Variants in ROBO2 observed in about 807,000 individuals in gnomAD.
ROBO2 encodes roundabout homolog 2.
A neutral mutation model predicts 160.8 loss-of-function variants in ROBO2; 53 were observed. The ratio of observed to expected loss-of-function variants is 0.33; its 90% confidence interval spans 0.26 to 0.41. The LOEUF (loss-of-function observed/expected upper bound fraction) is 0.41, where lower values mean the gene tolerates loss of function less well. Among genes scored for constraint, ROBO2 ranks in the 10% least tolerant of loss-of-function variants. ROBO2 has a pLI of 1.00. For synonymous variants in ROBO2, 664 were observed against 611.7 expected (o/e 1.09, Z -1.26); for missense variants, 1,577 against 1,722.4 (o/e 0.92, Z 1.49).
At chr3:76,806,093 T>G (rs1243265468) in intron 2 of ROBO2, among the ~76,000 whole-genome samples, 3 of 151,938 alleles carry the variant, frequency 2.0e-5, no homozygotes, top group African/African-American at 7.2e-5. Flanking sequence ...CTGTTTCCCT[T>G]TTGATTATGA....
chr3:76,812,661 A>T (rs1471769881), intron 2 of ROBO2, among the ~76,000 whole-genome samples: 1 of 152,060 alleles, frequency 6.6e-6, no homozygotes, highest in East Asian at 1.9e-4. Flanking sequence ...AGAAGCAAAA[A>T]ATATTAGTTC....
chr3:76,051,571 A>G lies in ROBO2; in HGVS notation c.109+113969A>G, dbSNP rs533422300. ...GAATATTGCAGATTAATATCACAGAAAGCATGTCTAGTTCATGCAACAATT... is the reference window on the plus strand; with the variant it reads ...GAATATTGCAGATTAATATCACAGAGAGCATGTCTAGTTCATGCAACAATT... On this transcript the variant is annotated intron_variant, in intron 2 of 26. Transcript: ENST00000487694. 1.5e-3 allele frequency among the ~76,000 whole-genome samples: 228 copies of G among 152,270 alleles called. 1 individual carries two copies. The highest frequency in any genetic ancestry group is 5.4e-3 in the African/African-American group (223 of 41,580).
intron 2 of ROBO2, among the ~76,000 whole-genome samples, chr3:76,050,379 G>A (rs983534774): frequency 5.2e-4 from 79 of 152,148 alleles, no homozygotes; most frequent in African/African-American, 1.7e-3. Context: ...ACACTGAAGG[G>A]GACACTGCTG....
chr3:76,268,632 T>C (rs1422157578), intron 2 of ROBO2, among the ~76,000 whole-genome samples: 2 of 152,156 alleles, frequency 1.3e-5, no homozygotes, highest in African/African-American at 4.8e-5. Context: ...TAAGACCTCC[T>C]TTAACCTTAA....
At chr3:75,911,748 G>T (rs1576106291) in intron 1 of ROBO2, among the ~76,000 whole-genome samples, 1 of 151,640 alleles carries the variant, frequency 6.6e-6, no homozygotes, top group African/African-American at 2.4e-5. Context: ...AGTAGAGACG[G>T]GGTTTCACCG....
At chr3:77,054,860 G>T (rs2065565714) in intron 1 of ROBO2, among the ~76,000 whole-genome samples, 1 of 151,880 alleles carries the variant, frequency 6.6e-6, no homozygotes, top group Admixed American at 6.6e-5. Context: ...AAGCAGATGG[G>T]CATCCTGCCG....
intron 2 of ROBO2, among the ~76,000 whole-genome samples, chr3:77,439,871 C>T (rs1437736125): frequency 6.6e-6 from 1 of 152,126 alleles, no homozygotes; most frequent in African/African-American, 2.4e-5. Context: ...ACACCTCATA[C>T]ATATCATACC....
intron 2 of ROBO2, among the ~76,000 whole-genome samples, chr3:76,417,499 A>G (rs1050386261): frequency 6.6e-6 from 1 of 152,222 alleles, no homozygotes; most frequent in Non-Finnish European, 1.5e-5. Flanking sequence ...ATTCTGGTCC[A>G]TTATGCTTTC....
At chr3:76,367,777 T>G (rs1380332648) in intron 2 of ROBO2, among the ~76,000 whole-genome samples, 1 of 151,976 alleles carries the variant, frequency 6.6e-6, no homozygotes, top group African/African-American at 2.4e-5. Flanking sequence ...AGCAGCAGCA[T>G]TATTTAGAAG....
chr3:76,021,884 A>G (rs1229073530), intron 2 of ROBO2, among the ~76,000 whole-genome samples: 1 of 151,052 alleles, frequency 6.6e-6, no homozygotes, highest in South Asian at 2.1e-4. Context: ...GAAGTTTGCC[A>G]CATTGGTTGA....
chr3:76,200,733 A>G (rs1302133621), intron 2 of ROBO2, among the ~76,000 whole-genome samples: 2 of 152,108 alleles, frequency 1.3e-5, no homozygotes, highest in South Asian at 4.1e-4. Flanking sequence ...AGATTATCCT[A>G]TAGTAGGGTG....
Position 77,531,672 on chromosome 3 carries a change from G to A in ROBO2, c.934+8770G>A, listed in dbSNP as rs1432725977. Among the ~76,000 whole-genome samples, 4 of 152,150 alleles carry A rather than the reference G, an allele frequency of 2.6e-5. No individual in the cohort carries two copies. In the East Asian group the frequency reaches 5.8e-4, roughly 22 times the overall value. The stretch of plus-strand genomic sequence containing the variant: ...CAACTTGAAATTTGGAAAATATAAT[G>A]TGCTGTACATAATTGGATATTGGAA... On this transcript the variant is annotated intron_variant, in intron 6 of 25. Coordinates refer to ENST00000461745, the Ensembl canonical transcript of ROBO2.
intron 2 of ROBO2, among the ~76,000 whole-genome samples, chr3:76,141,053 T>G (rs2071615571): frequency 7.2e-5 from 1 of 13,844 alleles, no homozygotes; most frequent in Non-Finnish European, 1.6e-4. Context: ...AGATGTCTTT[T>G]TACATACATA....
chr3:77,050,580 T>G (rs1250678059), intron 1 of ROBO2, among the ~76,000 whole-genome samples: 7 of 144,530 alleles, frequency 4.8e-5, no homozygotes, highest in East Asian at 2.0e-4. Flanking sequence ...TTTTTTTTTT[T>G]GTTGTTTTTT....
chr3:76,958,780 AAAAAC>A (rs71104643), intron 2 of ROBO2, among the ~76,000 whole-genome samples: 1 of 151,924 alleles, frequency 6.6e-6, no homozygotes. Context: ...TGCGAGAGGC[AAAAAC>A]AAAACAAAAC....
At chr3:77,178,496 C>T (rs562111539) in intron 2 of ROBO2, among the ~76,000 whole-genome samples, 11 of 151,970 alleles carry the variant, frequency 7.2e-5, no homozygotes, top group South Asian at 4.2e-4. Context: ...TATATGCTCG[C>T]GAATAGATTT....
chr3:76,068,696 C>T (rs1302309092), intron 2 of ROBO2, among the ~76,000 whole-genome samples: 1 of 152,140 alleles, frequency 6.6e-6, no homozygotes, highest in Non-Finnish European at 1.5e-5. Flanking sequence ...ATCCTGAGAG[C>T]AAAACTCCAT....
At chr3:76,838,946 G>A (rs2067971195) in intron 2 of ROBO2, among the ~76,000 whole-genome samples, 1 of 152,056 alleles carries the variant, frequency 6.6e-6, no homozygotes, top group Non-Finnish European at 1.5e-5. Flanking sequence ...TTTTGTATTA[G>A]CTATTATCAG....
intron 2 of ROBO2, among the ~76,000 whole-genome samples, chr3:76,307,381 C>A (rs35260299): frequency 0.055 from 8,318 of 152,250 alleles, 351 homozygotes; most frequent in African/African-American, 0.12. Flanking sequence ...TCTTCCTAAC[C>A]ATTCTTTATG....
Sources: allele counts gnomAD v4.1 joint callset (sites outside exome capture counted in the v4.1 genomes callset), GRCh38; gene constraint gnomAD v4.1.1; transcripts MANE v1.5; gene names NCBI Gene and HGNC (gene_info 2026-07-23, HGNC 2026-07-21).